Variants in HS6ST3 observed in about 807,000 individuals in gnomAD.
HS6ST3 encodes the protein heparan sulfate 6-O-sulfotransferase 3, also known as heparan-sulfate 6-O-sulfotransferase 3.
HS6ST3 carries 12 observed loss-of-function variants against 36.7 expected under a neutral mutation model. The ratio of observed to expected loss-of-function variants is 0.33; its 90% CI spans 0.21 to 0.53. HS6ST3 has a LOEUF of 0.53. Among genes scored for constraint, HS6ST3 ranks in the 20% least tolerant of loss-of-function variants. The probability of loss-of-function intolerance (pLI) is 0.95; values close to 1 mark genes in which losing one functional copy is unlikely to be tolerated. For missense variants in HS6ST3, 584 were observed against 640.9 expected (o/e 0.91, Z 0.96); for synonymous variants, 240 against 257.5 (o/e 0.93, Z 0.65).
Position 96,345,613 on chromosome 13 carries a change from G to A in HS6ST3, c.707+254044G>A, listed in dbSNP as rs575129768. 5.3e-5 allele frequency among the ~76,000 whole-genome samples: 8 copies of A among 152,216 alleles called. No individual in the cohort carries two copies. In the South Asian group the frequency reaches 1.7e-3, roughly 32 times the overall value. ...ACATTGTTTGTGGGTATCCTCTGTG[G>A]CAGCAATCCCCAACCTATTTGGCAC... On this transcript the variant is annotated intron_variant, in intron 1 of 1. Transcript: ENST00000376705.
intron 1 of HS6ST3, among the ~76,000 whole-genome samples, chr13:96,326,493 C>CA (rs2055032523): frequency 6.6e-6 from 1 of 152,030 alleles, no homozygotes; most frequent in Admixed American, 6.6e-5. Context: ...CATGTCCCTA[C>CA]AAAGGACATG....
At chr13:96,323,407 A>G (rs754887818) in intron 1 of HS6ST3, among the ~76,000 whole-genome samples, 33 of 152,168 alleles carry the variant, frequency 2.2e-4, no homozygotes, top group Non-Finnish European at 3.7e-4. Context: ...TTCAAAACAT[A>G]CCCAGAGGAT....
intron 1 of HS6ST3, among the ~76,000 whole-genome samples, chr13:96,391,118 C>T (rs1011926301): frequency 1.3e-5 from 2 of 152,208 alleles, no homozygotes; most frequent in African/African-American, 4.8e-5. Flanking sequence ...TTTCCTCCAT[C>T]CCAGCTAGTC....
chr13:96,772,712 A>G (rs928481343), intron 1 of HS6ST3, among the ~76,000 whole-genome samples: 1 of 152,242 alleles, frequency 6.6e-6, no homozygotes, highest in Non-Finnish European at 1.5e-5. Context: ...GGTATATAAT[A>G]AGCCTTCAAT....
intron 1 of HS6ST3, among the ~76,000 whole-genome samples, chr13:96,742,750 G>T (rs1210715899): frequency 1.3e-5 from 2 of 151,944 alleles, no homozygotes; most frequent in Admixed American, 6.6e-5. Flanking sequence ...TTTATGATTA[G>T]GGATATTAAT....
chr13:96,748,428 A>G (rs1005807997), intron 1 of HS6ST3, among the ~76,000 whole-genome samples: 3 of 152,130 alleles, frequency 2.0e-5, no homozygotes, highest in Non-Finnish European at 4.4e-5. Context: ...ACAAGCCAGG[A>G]GCAAAAGTCC....
chr13:96,478,500 G>C (rs1183298397), intron 1 of HS6ST3, among the ~76,000 whole-genome samples: 1 of 152,094 alleles, frequency 6.6e-6, no homozygotes, highest in Non-Finnish European at 1.5e-5. Flanking sequence ...ATCCTCCATA[G>C]AGTTCCATAG....
chr13:96,445,097 G>A (rs1259052002), intron 1 of HS6ST3, among the ~76,000 whole-genome samples: 1 of 152,190 alleles, frequency 6.6e-6, no homozygotes, highest in African/African-American at 2.4e-5. Flanking sequence ...CTGCATTAGA[G>A]ATGCTGGATG....
At chr13:96,783,937 C>A (rs2138515627) in intron 1 of HS6ST3, among the ~76,000 whole-genome samples, 1 of 152,150 alleles carries the variant, frequency 6.6e-6, no homozygotes, top group Non-Finnish European at 1.5e-5. Flanking sequence ...AGTTTAATAA[C>A]AATACCCTGA....
chr13:96,628,275 A>G (rs2056519959), intron 1 of HS6ST3, among the ~76,000 whole-genome samples: 1 of 151,938 alleles, frequency 6.6e-6, no homozygotes, highest in African/African-American at 2.4e-5. Context: ...TACGTTTTTC[A>G]GAAGCATGTG....
At chr13:96,732,378 A>G (rs1876178421) in intron 1 of HS6ST3, among the ~76,000 whole-genome samples, 1 of 152,102 alleles carries the variant, frequency 6.6e-6, no homozygotes, top group Non-Finnish European at 1.5e-5. Context: ...GTCCAAATTT[A>G]TTATTCTGCA....
At chr13:96,693,970 T>C (rs1162489111) in intron 1 of HS6ST3, among the ~76,000 whole-genome samples, 1 of 152,170 alleles carries the variant, frequency 6.6e-6, no homozygotes, top group Admixed American at 6.6e-5. Flanking sequence ...TTCCTTCTTA[T>C]ATCTACAGGA....
intron 1 of HS6ST3, among the ~76,000 whole-genome samples, chr13:96,802,422 CAA>C (rs1878099662): frequency 6.6e-6 from 1 of 152,126 alleles, no homozygotes; most frequent in African/African-American, 2.4e-5. Context: ...TCTCTTTTAA[CAA>C]AAACTCACTT....
intron 1 of HS6ST3, among the ~76,000 whole-genome samples, chr13:96,317,919 A>G (rs866824226): frequency 5.9e-5 from 9 of 151,298 alleles, no homozygotes; most frequent in Admixed American, 1.3e-4. Flanking sequence ...TTGCTTGTTG[A>G]TTTGTTTTAG....
chr13:96,107,048 A>G (rs2053845002), intron 1 of HS6ST3, among the ~76,000 whole-genome samples: 1 of 152,224 alleles, frequency 6.6e-6, no homozygotes, highest in Non-Finnish European at 1.5e-5. Flanking sequence ...CCCAGTGAGT[A>G]GCAAGGGAGT....
chr13:96,537,907 A>G (rs9516718), intron 1 of HS6ST3, among the ~76,000 whole-genome samples: 14,893 of 152,190 alleles, frequency 0.098, 740 homozygotes, highest in Middle Eastern at 0.14. Flanking sequence ...ATGGTGGGAG[A>G]TGCAGGTGGA....
chr13:96,347,837 T>C (rs1286244662), intron 1 of HS6ST3, among the ~76,000 whole-genome samples: 1 of 152,178 alleles, frequency 6.6e-6, no homozygotes, highest in Non-Finnish European at 1.5e-5. Context: ...CCCCTTTCAC[T>C]ATAACTGGGC....
intron 1 of HS6ST3, among the ~76,000 whole-genome samples, chr13:96,295,639 C>G (rs958499006): frequency 1.3e-4 from 20 of 152,116 alleles, no homozygotes; most frequent in South Asian, 8.3e-4. Flanking sequence ...TTAGTATGCT[C>G]CCGTGTGTCT....
In HS6ST3 at chr13:96,739,516, C is replaced by T. The variant is rs547224209; in HGVS notation, c.708-92974C>T. On this transcript the variant is annotated intron_variant, in intron 1 of 1. Coordinates refer to ENST00000376705, the MANE Select transcript of HS6ST3 (RefSeq NM_153456.4). ...CAGTCTTTCCCTTCACAGGGAATGG[C>T]CACTTCTTTTAGTTGTTCTGGCTAA... is the stretch of plus-strand genomic sequence containing the variant. Among the ~76,000 whole-genome samples, 41 of 152,186 alleles carry T rather than the reference C, an allele frequency of 2.7e-4. No individual in the cohort carries two copies. In the South Asian group the frequency reaches 5.0e-3, roughly 19 times the overall value.
Sources: allele counts gnomAD v4.1 joint callset (sites outside exome capture counted in the v4.1 genomes callset), GRCh38; gene constraint gnomAD v4.1.1; transcripts MANE v1.5; gene names NCBI Gene and HGNC (gene_info 2026-07-23, HGNC 2026-07-21).